The following MSRA variants were observed in gnomAD, a reference collection of about 807,000 sequenced individuals.
MSRA encodes the protein methionine sulfoxide reductase A.
MSRA carries 54 observed loss-of-function variants against 31.3 expected under a neutral mutation model. The ratio of observed to expected loss-of-function variants is 1.73; its 90% confidence interval spans 1.39 to 2.17. The LOEUF is 2.17. MSRA is among the 30% of genes most tolerant of loss of function. MSRA has a pLI of 0.00. For synonymous variants in MSRA, 169 were observed against 116.5 expected (o/e 1.45, Z -2.90); for missense variants, 507 against 300.9 (o/e 1.69, Z -5.07).
At chr8:10,387,293 G>T (rs1199325207) in intron 5 of MSRA, among the ~76,000 whole-genome samples, 1 of 152,240 alleles carries the variant, frequency 6.6e-6, no homozygotes, top group Admixed American at 6.5e-5. Flanking sequence ...GAGCAAATGT[G>T]TGAATAGTTG....
intron 2 of MSRA, among the ~76,000 whole-genome samples, chr8:10,216,759 T>A (rs887402388): frequency 2.6e-5 from 4 of 152,228 alleles, no homozygotes; most frequent in African/African-American, 9.6e-5. Context: ...ATTTCCTTCT[T>A]ATCCCATTGT....
intron 1 of MSRA, among the ~76,000 whole-genome samples, chr8:10,159,910 A>G (rs1173551211): frequency 6.6e-6 from 1 of 152,164 alleles, no homozygotes; most frequent in Admixed American, 6.5e-5. Context: ...TCTTACTGGA[A>G]TTTTGTCTGT....
chr8:10,425,990 C>T (rs938419246), intron 5 of MSRA, among the ~76,000 whole-genome samples: 1 of 152,216 alleles, frequency 6.6e-6, no homozygotes, highest in Non-Finnish European at 1.5e-5. Flanking sequence ...TGGCACCCCC[C>T]ACAGACGTCG....
At chr8:10,190,602 T>A (rs1807426715) in intron 1 of MSRA, among the ~76,000 whole-genome samples, 1 of 152,232 alleles carries the variant, frequency 6.6e-6, no homozygotes, top group East Asian at 1.9e-4. Context: ...TTGGGCACTT[T>A]CTGTCAGTCC....
chr8:10,153,310 C>T (rs1298266542), intron 1 of MSRA, among the ~76,000 whole-genome samples: 1 of 152,098 alleles, frequency 6.6e-6, no homozygotes, highest in African/African-American at 2.4e-5. Context: ...GTCTTTCTTC[C>T]AGTTAATTGT....
At chr8:10,190,122 C>T (rs972215852) in intron 1 of MSRA, among the ~76,000 whole-genome samples, 1 of 152,130 alleles carries the variant, frequency 6.6e-6, no homozygotes, top group Non-Finnish European at 1.5e-5. Flanking sequence ...GTGAGCACGA[C>T]ATTAAGCATT....
At chr8:10,101,550 G>A (rs928009540) in intron 1 of MSRA, among the ~76,000 whole-genome samples, 3 of 151,930 alleles carry the variant, frequency 2.0e-5, no homozygotes, top group East Asian at 1.9e-4. Context: ...CCCAAACCCC[G>A]CAACAGAATC....
chr8:10,255,817 G>T (rs1156917649), intron 3 of MSRA, among the ~76,000 whole-genome samples: 1 of 151,714 alleles, frequency 6.6e-6, no homozygotes, highest in Admixed American at 6.6e-5. Context: ...TAAAAAACAA[G>T]TTTTAATTTT....
At chr8:10,427,003 C>G (rs1809214385) in intron 5 of MSRA, among the ~76,000 whole-genome samples, 1 of 38,966 alleles carries the variant, frequency 2.6e-5, no homozygotes, top group East Asian at 8.9e-4. Context: ...GACGGCGAAA[C>G]AGAGATGCAG....
intron 1 of MSRA, among the ~76,000 whole-genome samples, chr8:10,059,514 A>G (rs1802585963): frequency 6.6e-6 from 1 of 152,238 alleles, no homozygotes. Context: ...TATTGTTAAA[A>G]ATGAAACAGT....
At chr8:10,261,856 C>G (rs180855997) in intron 3 of MSRA, among the ~76,000 whole-genome samples, 6 of 152,310 alleles carry the variant, frequency 3.9e-5, no homozygotes, top group Non-Finnish European at 5.9e-5. Flanking sequence ...CTGCGCTCCA[C>G]CTGTTCATCT....
chr8:10,248,220 C>T (rs1797725491), intron 3 of MSRA, among the ~76,000 whole-genome samples: 3 of 152,214 alleles, frequency 2.0e-5, no homozygotes, highest in Non-Finnish European at 2.9e-5. Context: ...GATCACAATC[C>T]GTGAATATTT....
intron 5 of MSRA, among the ~76,000 whole-genome samples, chr8:10,410,641 A>G (rs1808100492): frequency 6.6e-6 from 1 of 152,166 alleles, no homozygotes; most frequent in South Asian, 2.1e-4. Context: ...TGGCAGAACC[A>G]GGAGAAGAGC....
chr8:10,244,364 T>C (rs1430600477), intron 2 of MSRA, among the ~76,000 whole-genome samples: 1 of 152,104 alleles, frequency 6.6e-6, no homozygotes, highest in Non-Finnish European at 1.5e-5. Context: ...TCTTGGGAGA[T>C]GGGTTGTGAT....
intron 4 of MSRA, among the ~76,000 whole-genome samples, chr8:10,318,957 A>G (rs10089244): frequency 0.25 from 38,695 of 151,894 alleles, 5,120 homozygotes; most frequent in East Asian, 0.35. Context: ...CCTTTGTTCT[A>G]CCTTCACCCT....
At chr8:10,147,959 G>A (rs142989161) in intron 1 of MSRA, among the ~76,000 whole-genome samples, 25 of 152,332 alleles carry the variant, frequency 1.6e-4, no homozygotes, top group African/African-American at 5.5e-4. Context: ...ACCGGAAAGG[G>A]GAAGCGAGTC....
chr8:10,102,634 T>G (rs909441584), intron 1 of MSRA, among the ~76,000 whole-genome samples: 1 of 152,240 alleles, frequency 6.6e-6, no homozygotes, highest in African/African-American at 2.4e-5. Flanking sequence ...ATTGAGGTTT[T>G]CCTGGTTCTT....
intron 1 of MSRA, among the ~76,000 whole-genome samples, chr8:10,162,466 A>C (rs1804749365): frequency 6.6e-6 from 1 of 152,052 alleles, no homozygotes; most frequent in Admixed American, 6.5e-5. Context: ...CCTTTAATTC[A>C]AAGCCTTTGA....
chr8:10,361,807 AT>A (rs1804863139), intron 5 of MSRA, among the ~76,000 whole-genome samples: 1 of 152,232 alleles, frequency 6.6e-6, no homozygotes, highest in South Asian at 2.1e-4. Flanking sequence ...AATGTAAAAA[AT>A]GTCTTCCTAA....
Sources: gnomAD v4.1 joint callset for allele counts (sites outside exome capture counted in the v4.1 genomes callset) on GRCh38, gnomAD v4.1.1 for gene constraint, MANE v1.5 for transcripts, NCBI Gene and HGNC (gene_info 2026-07-23, HGNC 2026-07-21) for gene names.